The following CTNNA3 variants were observed in gnomAD, a reference collection of about 807,000 sequenced individuals.
CTNNA3 encodes catenin alpha-3.
A neutral mutation model predicts 95.7 loss-of-function variants in CTNNA3; 76 were observed. The ratio of observed to expected loss-of-function variants is 0.79; its 90% CI spans 0.66 to 0.96. CTNNA3 has a LOEUF of 0.96. Ranked by LOEUF, CTNNA3 falls within the 40% of genes least tolerant of loss-of-function variation. CTNNA3 has a pLI of 0.00. For missense variants in CTNNA3, 1,191 were observed against 1,089.8 expected, an observed-to-expected ratio of 1.09 and a Z score of -1.31; for synonymous variants, 431 against 374.4, an observed-to-expected ratio of 1.15 and a Z score of -1.74.
intron 10 of CTNNA3, among the ~76,000 whole-genome samples, chr10:66,591,232 T>C (rs1202911761): frequency 2.6e-5 from 4 of 152,152 alleles, no homozygotes; most frequent in African/African-American, 9.7e-5. Flanking sequence ...AAGTGTTTAT[T>C]GAACTCCAGC....
At chr10:66,266,147 G>GGAAGGAAGGAAA (rs2091149712) in intron 13 of CTNNA3, among the ~76,000 whole-genome samples, 1 of 150,900 alleles carries the variant, frequency 6.6e-6, no homozygotes, top group African/African-American at 2.4e-5. Flanking sequence ...AAGGAAAGAA[G>GGAAGGAAGGAAA]GAAGGAAGGA....
At position 67,732,258 on chromosome 10, in the gene CTNNA3, C is replaced by T. The variant is rs546435689; in HGVS notation, c.-2+31176G>A. Among the ~76,000 whole-genome samples, 8 of 152,032 alleles carry T rather than the reference C, an allele frequency of 5.3e-5. No homozygotes were observed. In the South Asian group the frequency reaches 1.2e-3, roughly 24 times the overall value. ...GTGAACTTGTATTTTTCAAATCAAA[C>T]AAGAGTACTATGGTATATAAAACAA... On this transcript the variant is annotated intron_variant, in intron 1 of 17. Coordinates refer to the CTNNA3 transcript ENST00000684154.
intron 10 of CTNNA3, among the ~76,000 whole-genome samples, chr10:66,577,505 T>C (rs1054760047): frequency 1.3e-5 from 2 of 152,060 alleles, no homozygotes; most frequent in African/African-American, 4.8e-5. Context: ...TTTGGGTATA[T>C]GGTGAAAGGA....
intron 7 of CTNNA3, among the ~76,000 whole-genome samples, chr10:66,904,890 T>C (rs1845916830): frequency 6.6e-6 from 1 of 152,130 alleles, no homozygotes. Flanking sequence ...GGAGAGGATG[T>C]GGAGAAATAG....
chr10:67,159,322 C>G (rs564012494), intron 7 of CTNNA3, among the ~76,000 whole-genome samples: 1 of 152,256 alleles, frequency 6.6e-6, no homozygotes. Context: ...TGCCGATGCT[C>G]CCAGCTGAAT....
chr10:66,524,931 C>T (rs899891665), intron 10 of CTNNA3, among the ~76,000 whole-genome samples: 1 of 152,004 alleles, frequency 6.6e-6, no homozygotes, highest in Non-Finnish European at 1.5e-5. Context: ...TGCCTGTAAT[C>T]CCAGCTACTT....
intron 6 of CTNNA3, among the ~76,000 whole-genome samples, chr10:67,201,359 T>C (rs1169743778): frequency 6.6e-6 from 1 of 152,210 alleles, no homozygotes; most frequent in Non-Finnish European, 1.5e-5. Context: ...CACATACTCC[T>C]TTTCCATCTG....
At chr10:67,735,370 T>A (rs1015357990) in intron 1 of CTNNA3, among the ~76,000 whole-genome samples, 1 of 151,878 alleles carries the variant, frequency 6.6e-6, no homozygotes, top group Non-Finnish European at 1.5e-5. Context: ...ATATAGTACA[T>A]CAACTCAATG....
chr10:67,351,795 A>C (rs1842648448), intron 5 of CTNNA3, among the ~76,000 whole-genome samples: 1 of 152,010 alleles, frequency 6.6e-6, no homozygotes, highest in Non-Finnish European at 1.5e-5. Context: ...TACTATGATA[A>C]ATACTGTTTC....
intron 15 of CTNNA3, among the ~76,000 whole-genome samples, chr10:66,055,806 C>T (rs779989339): frequency 6.7e-6 from 1 of 150,098 alleles, no homozygotes; most frequent in Non-Finnish European, 1.5e-5. Flanking sequence ...CCTGTAATCC[C>T]AGTTACTCAG....
At chr10:67,342,077 TTTTAA>T (rs1367819462) in intron 5 of CTNNA3, among the ~76,000 whole-genome samples, 2 of 149,062 alleles carry the variant, frequency 1.3e-5, no homozygotes, top group Non-Finnish European at 3.0e-5. Context: ...TTTTTTATTC[TTTTAA>T]TTTATTTATT....
chr10:66,196,988 A>G (rs1421723579), intron 13 of CTNNA3, among the ~76,000 whole-genome samples: 1 of 146,706 alleles, frequency 6.8e-6, no homozygotes, highest in Admixed American at 6.9e-5. Context: ...CAGCTAACAC[A>G]TATCCAGTGA....
intron 5 of CTNNA3, among the ~76,000 whole-genome samples, chr10:67,477,395 A>G (rs530694501): frequency 1.3e-5 from 2 of 152,198 alleles, no homozygotes; most frequent in East Asian, 1.9e-4. Flanking sequence ...TGTGCACTCC[A>G]TGAATTAGCC....
chr10:66,718,522 A>G (rs1430659771), intron 9 of CTNNA3, among the ~76,000 whole-genome samples: 2 of 152,030 alleles, frequency 1.3e-5, no homozygotes, highest in African/African-American at 2.4e-5. Flanking sequence ...TCCAAAAAAT[A>G]CAGTATGCTC....
At chr10:67,613,151 C>T (rs1843520499) in intron 2 of CTNNA3, among the ~76,000 whole-genome samples, 2 of 152,174 alleles carry the variant, frequency 1.3e-5, no homozygotes, top group Admixed American at 6.5e-5. Context: ...AGGCTCAGAA[C>T]AGGAAATGTT....
chr10:67,430,135 T>A (rs929071477), intron 5 of CTNNA3, among the ~76,000 whole-genome samples: 1 of 152,018 alleles, frequency 6.6e-6, no homozygotes, highest in South Asian at 2.1e-4. Flanking sequence ...CTCCCACCTC[T>A]ATAGTCCTCC....
intron 1 of CTNNA3, among the ~76,000 whole-genome samples, chr10:67,725,551 G>T (rs1841205093): frequency 6.6e-6 from 1 of 151,926 alleles, no homozygotes; most frequent in African/African-American, 2.4e-5. Flanking sequence ...TTCTCCCAGT[G>T]TTATCATTTG....
chr10:66,167,359 C>T (rs1006233720), intron 13 of CTNNA3, among the ~76,000 whole-genome samples: 1 of 152,068 alleles, frequency 6.6e-6, no homozygotes, highest in African/African-American at 2.4e-5. Context: ...AAATAGTTTA[C>T]AAATGTGACA....
At chr10:65,966,910 C>A (rs147627052) in intron 16 of CTNNA3, among the ~76,000 whole-genome samples, 164 bp from the exon 17 acceptor site, 3 of 152,270 alleles carry the variant, frequency 2.0e-5, no homozygotes, top group East Asian at 1.9e-4. Context: ...TACAATAGTT[C>A]ATTCATTTTG....
Sources: allele counts gnomAD v4.1 joint callset (sites outside exome capture counted in the v4.1 genomes callset), GRCh38; gene constraint gnomAD v4.1.1; transcripts MANE v1.5; gene names NCBI Gene and HGNC (gene_info 2026-07-23, HGNC 2026-07-21).